EFCAB6: variants seen among roughly 807,000 people sequenced by gnomAD.
EFCAB6 encodes EF-hand calcium binding domain 6.
EFCAB6 carries 156 observed loss-of-function variants against 169.8 expected under a neutral mutation model. The observed-to-expected ratio is 0.92, with a 90% CI of 0.81 to 1.05. The LOEUF (loss-of-function observed/expected upper bound fraction) is 1.05. Among genes scored for constraint, EFCAB6 ranks in the 50% least tolerant of loss-of-function variants. The pLI is 0.00. For missense variants in EFCAB6, 1,800 were observed against 1,829.1 expected (o/e 0.98, Z 0.29); for synonymous variants, 698 against 676.4 (o/e 1.03, Z -0.50).
intron 19 of EFCAB6, among the ~76,000 whole-genome samples, chr22:43,631,187 G>T (rs1396444451): frequency 1.3e-5 from 2 of 151,304 alleles, no homozygotes; most frequent in African/African-American, 4.9e-5. Flanking sequence ...GCCTCTGGAT[G>T]TGTTCCCTCC....
Position 43,788,029 on chromosome 22 carries a change from C to T in EFCAB6, c.-7-5704G>A, listed in dbSNP as rs144558992. 5.1e-4 allele frequency among the ~76,000 whole-genome samples: 77 copies of T among 152,158 alleles called. 1 individual carries two copies. In the Middle Eastern group the frequency reaches 0.02, roughly 40 times the overall value. On this transcript the variant is annotated intron_variant, in intron 2 of 31. Coordinates refer to ENST00000262726, the MANE Select transcript of EFCAB6 (RefSeq NM_022785.4). ...AAAAAGTAGTCTTTTCAACGAACAG[C>T]GCCAAAGAGTGAAGTTGGCCCCCTA...
chr22:43,774,376 C>T (rs2061571840), intron 3 of EFCAB6, among the ~76,000 whole-genome samples: 1 of 151,182 alleles, frequency 6.6e-6, no homozygotes. Flanking sequence ...CACAGTGACG[C>T]TGCCATGGAG....
At chr22:43,753,734 G>A (rs916275349) in intron 6 of EFCAB6, among the ~76,000 whole-genome samples, 1 of 152,190 alleles carries the variant, frequency 6.6e-6, no homozygotes, top group African/African-American at 2.4e-5. Flanking sequence ...TAGGAGTGCT[G>A]GGGTTCAGCT....
chr22:43,616,151 C>A lies in EFCAB6; in HGVS notation c.2466-229G>T, dbSNP rs367851616. ...TGTTTATTTTCAGATAAATGCTATTCAACTTTTTTCTTTTCAGCACACAAA... is the reference window on the plus strand; with the variant it reads ...TGTTTATTTTCAGATAAATGCTATTAAACTTTTTTCTTTTCAGCACACAAA... On this transcript the variant is annotated intron_variant, in intron 20 of 31. Transcript: ENST00000262726. Among the ~76,000 whole-genome samples the A allele has an allele frequency of 2.6e-4, 39 of 152,294 alleles. No individual in the cohort carries two copies. In the East Asian group the frequency reaches 6.4e-3, roughly 25 times the overall value.
intron 8 of EFCAB6, among the ~76,000 whole-genome samples, chr22:43,725,089 A>C (rs1024142860): frequency 2.0e-5 from 3 of 151,554 alleles, no homozygotes; most frequent in African/African-American, 7.3e-5. Context: ...AACATGGAAG[A>C]AAGCATCACA....
In EFCAB6 at chr22:43,537,303, T is replaced by C. The variant is rs949716786; in HGVS notation, c.4048+74A>G. On this transcript the variant is annotated intron_variant, in intron 29 of 31. Coordinates refer to ENST00000262726, the MANE Select transcript of EFCAB6 (RefSeq NM_022785.4). This position sits in a 1 kb window ranked among gnomAD's most constrained non-coding sequence, Gnocchi z 4.3. ...CCTGGCCTCCACCCGGGGTGTGGCT[T>C]TGTACCCAGTGGGAACAGCCTCTTG... 6.4e-7 allele frequency: 1 copy of C among 1,557,644 alleles called. No homozygotes were observed. Among genetic ancestry groups the C allele is most frequent in the African/African-American group, 1.4e-5 (1 of 73,528 alleles).
chr22:43,703,511 A>G lies in EFCAB6; in HGVS notation c.1031+7964T>C, dbSNP rs148725844. On this transcript the variant is annotated intron_variant, in intron 10 of 31. Transcript: ENST00000262726. ...AAAGCTCCAACAATGGACCCTAAAG[A>G]AAGGAAGATGTATTAAATGATAGAC... Among the ~76,000 whole-genome samples, 1,073 of 152,330 alleles carry G rather than the reference A, an allele frequency of 7.0e-3. 11 individuals carry two copies. The highest frequency in any genetic ancestry group is 0.025 in the African/African-American group (1,019 of 41,576).
chr22:43,552,377 A>G (rs2048431745), intron 27 of EFCAB6: 1 of 152,188 alleles, frequency 6.6e-6, no homozygotes, highest in Non-Finnish European at 1.5e-5. Context: ...AAATCACCAC[A>G]GTGTCATCCA....
intron 6 of EFCAB6, among the ~76,000 whole-genome samples, chr22:43,738,913 G>A (rs923435283): frequency 6.6e-6 from 1 of 152,156 alleles, no homozygotes; most frequent in Non-Finnish European, 1.5e-5. Flanking sequence ...ATGAACCTCC[G>A]TGATCCTACC....
intron 18 of EFCAB6, among the ~76,000 whole-genome samples, chr22:43,633,789 C>G (rs910079428): frequency 6.6e-6 from 1 of 152,154 alleles, no homozygotes; most frequent in Admixed American, 6.5e-5. Context: ...CCCTCTTGAG[C>G]CTGGCTTCTG....
At chr22:43,691,946 G>A (rs1569399176) in intron 10 of EFCAB6, among the ~76,000 whole-genome samples, 1 of 152,176 alleles carries the variant, frequency 6.6e-6, no homozygotes, top group African/African-American at 2.4e-5. Context: ...CTCGGATGAG[G>A]CACTGCAGCA....
chr22:43,808,243 T>C (rs2062986791), intron 2 of EFCAB6, among the ~76,000 whole-genome samples: 1 of 152,240 alleles, frequency 6.6e-6, no homozygotes, highest in South Asian at 2.1e-4. Context: ...GAGGATTATG[T>C]AGGTTATATG....
At chr22:43,693,121 G>C (rs1012827817) in intron 10 of EFCAB6, among the ~76,000 whole-genome samples, 8 of 152,064 alleles carry the variant, frequency 5.3e-5, no homozygotes, top group Non-Finnish European at 1.2e-4. Context: ...GTTACTCGAA[G>C]ATTTTTAAAA....
intron 11 of EFCAB6, among the ~76,000 whole-genome samples, chr22:43,684,680 G>A (rs1384788289): frequency 6.6e-6 from 1 of 152,152 alleles, no homozygotes; most frequent in Non-Finnish European, 1.5e-5. Flanking sequence ...ATAAGCCTAC[G>A]CCTACCACCA....
chr22:43,735,308 GC>G (rs2060091487), intron 7 of EFCAB6, among the ~76,000 whole-genome samples: 1 of 37,110 alleles, frequency 2.7e-5, no homozygotes, highest in Non-Finnish European at 6.7e-5. Flanking sequence ...TCACCCTCCT[GC>G]CGCACACCCC....
At position 43,528,959 on chromosome 22, in the gene EFCAB6, C is replaced by T; in HGVS notation, c.4400G>A (p.Ser1467Asn). Residue 1467 changes from serine (S) to asparagine (N), a missense_variant, in exon 32 of 32, where the codon AGC becomes AAC. Physicochemically the swap from Ser to Asn is conservative, Grantham distance 46. Coordinates refer to ENST00000262726, the MANE Select transcript of EFCAB6 (RefSeq NM_022785.4). The part of the protein sequence containing the change: ...ADFRTVLRQY[S>N]INLSEEEFFH... ...GAACTCTTCCTCAGAGAGGTTGATG[C>T]TGTACTGTCTCAGGACCTGGAAGAC... The T allele has an allele frequency of 6.3e-7, 1 of 1,592,984 alleles. No individual in the cohort carries two copies. Among genetic ancestry groups the T allele is most frequent in the Non-Finnish European group, 8.6e-7 (1 of 1,162,852 alleles).
At chr22:43,718,090 A>G (rs2059398391) in intron 8 of EFCAB6, among the ~76,000 whole-genome samples, 1 of 152,094 alleles carries the variant, frequency 6.6e-6, no homozygotes, top group South Asian at 2.1e-4. Flanking sequence ...CCATCCATGT[A>G]AGTACCAGAA....
chr22:43,557,223 A>G (rs2048760617), intron 26 of EFCAB6, among the ~76,000 whole-genome samples: 1 of 152,200 alleles, frequency 6.6e-6, no homozygotes, highest in South Asian at 2.1e-4. Flanking sequence ...TCATCTACCC[A>G]GGAGGAATAA....
At chr22:43,566,011 C>CA (rs34175291) in intron 26 of EFCAB6, among the ~76,000 whole-genome samples, 28 of 146,578 alleles carry the variant, frequency 1.9e-4, no homozygotes, top group Non-Finnish European at 3.6e-4. Flanking sequence ...AACTGCCTGT[C>CA]AAAAAAAAAA....
Sources: allele counts gnomAD v4.1 joint callset (sites outside exome capture counted in the v4.1 genomes callset), GRCh38; gene constraint gnomAD v4.1.1; non-coding constraint Gnocchi (gnomAD v3.1); transcripts MANE v1.5; gene names NCBI Gene and HGNC (gene_info 2026-07-23, HGNC 2026-07-21).